Variants in TAF4 observed in about 807,000 individuals in gnomAD.
TAF4 encodes the protein TATA-box binding protein associated factor 4, also known as transcription initiation factor TFIID subunit 4.
TAF4 carries 9 observed loss-of-function variants against 90.3 expected under a neutral mutation model. The ratio of observed to expected loss-of-function variants is 0.10; its 90% confidence interval spans 0.06 to 0.17. TAF4 has a LOEUF of 0.17. TAF4 is among the 10% of genes least tolerant of loss of function. TAF4 has a pLI of 1.00. For missense variants in TAF4, 1,351 were observed against 1,370.7 expected, an observed-to-expected ratio of 0.99 and a Z score of 0.23; for synonymous variants, 818 against 638.9, an observed-to-expected ratio of 1.28 and a Z score of -4.23.
chr20:62,027,685 A>G (rs768898619), intron 1 of TAF4, among the ~76,000 whole-genome samples: 9 of 152,102 alleles, frequency 5.9e-5, no homozygotes, highest in Non-Finnish European at 4.4e-5. Context: ...CAAATAATTA[A>G]TTTTCTGCAT....
At chr20:62,042,072 G>A (rs2055966732) in intron 1 of TAF4, among the ~76,000 whole-genome samples, 1 of 152,168 alleles carries the variant, frequency 6.6e-6, no homozygotes, top group Non-Finnish European at 1.5e-5. Flanking sequence ...AATGGGAACA[G>A]GCATTCCTGT....
chr20:62,028,167 G>T (rs2055884693), intron 1 of TAF4, among the ~76,000 whole-genome samples: 2 of 152,188 alleles, frequency 1.3e-5, no homozygotes, highest in Non-Finnish European at 2.9e-5. Context: ...AGGTGCTAAG[G>T]GGGGCCGGTC....
intron 1 of TAF4, among the ~76,000 whole-genome samples, chr20:62,034,203 T>A (rs2055919772): frequency 6.6e-6 from 1 of 152,216 alleles, no homozygotes; most frequent in African/African-American, 2.4e-5. Flanking sequence ...ATAAATTCTC[T>A]AGGTGCGACC....
chr20:62,042,439 G>A (rs1335395991), intron 1 of TAF4, among the ~76,000 whole-genome samples: 2 of 152,234 alleles, frequency 1.3e-5, no homozygotes, highest in East Asian at 3.8e-4. Flanking sequence ...GGTACCGAGA[G>A]GGCAGGGGGA....
intron 14 of TAF4, among the ~76,000 whole-genome samples, chr20:61,991,617 A>C (rs1329264155): frequency 6.6e-6 from 1 of 152,108 alleles, no homozygotes; most frequent in African/African-American, 2.4e-5. Flanking sequence ...AAACAAAAAA[A>C]AAGAGAGAGA....
intron 1 of TAF4, among the ~76,000 whole-genome samples, chr20:62,062,808 G>C (rs530778161): frequency 6.6e-6 from 1 of 152,322 alleles, no homozygotes; most frequent in Admixed American, 6.5e-5. Context: ...TACCTCTGCA[G>C]TGGCTCAGAG....
chr20:61,979,504 C>A (rs6061937), intron 14 of TAF4, among the ~76,000 whole-genome samples: 147 of 132,708 alleles, frequency 1.1e-3, no homozygotes, highest in African/African-American at 4.2e-3. Context: ...GTGCAGGCGC[C>A]ATGGCCACTC....
chr20:62,039,161 G>A lies in TAF4; in HGVS notation c.1361-24454C>T, dbSNP rs531609748. Among the ~76,000 whole-genome samples, 128 of 152,250 alleles carry A rather than the reference G, an allele frequency of 8.4e-4. 1 individual carries two copies. The highest frequency in any genetic ancestry group is 6.8e-3 in the Middle Eastern group (2 of 294). On this transcript the variant is annotated intron_variant, in intron 1 of 14. Coordinates refer to ENST00000252996, the MANE Select transcript of TAF4 (RefSeq NM_003185.4). Reference sequence around the variant, plus strand: ...GCAAACGACCAGAACAGCCCTCAACGTTTTCGAAAAAGCAGCACTGGAGGA... The same window carrying A: ...GCAAACGACCAGAACAGCCCTCAACATTTTCGAAAAAGCAGCACTGGAGGA...
intron 1 of TAF4, among the ~76,000 whole-genome samples, chr20:62,044,479 T>C (rs895656450): frequency 7.9e-5 from 12 of 152,238 alleles, no homozygotes; most frequent in Non-Finnish European, 1.8e-4. Flanking sequence ...TGTATCAAAT[T>C]GGTAACATAA....
At chr20:62,057,666 G>A (rs1184394289) in intron 1 of TAF4, among the ~76,000 whole-genome samples, 1 of 18,488 alleles carries the variant, frequency 5.4e-5, no homozygotes, top group Non-Finnish European at 1.1e-4. Flanking sequence ...ATGGGGCTCG[G>A]GGGGCCAACC....
At chr20:62,024,714 C>T (rs1366839366) in intron 1 of TAF4, among the ~76,000 whole-genome samples, 2 of 151,950 alleles carry the variant, frequency 1.3e-5, no homozygotes, top group Non-Finnish European at 2.9e-5. Context: ...ACTAAAAATA[C>T]AAAAAATTAG....
At position 62,000,030 on chromosome 20, in the gene TAF4, C is replaced by A. The variant is rs376965491; in HGVS notation, c.2787+94G>T. 3.9e-6 allele frequency: 6 copies of A among 1,546,964 alleles called. No homozygotes were observed. The East Asian group carries it at 1.1e-4, about 29-fold the overall frequency. ...GAACATGGAGGCACTTGGGACCCAC[C>A]GCCCTCTGCCTCGGTGTGGGGAGGA... On this transcript the variant is annotated intron_variant, in intron 11 of 14. Transcript: ENST00000252996.
At chr20:62,002,891 A>G (rs2055715906) in intron 9 of TAF4, among the ~76,000 whole-genome samples, 9 of 152,244 alleles carry the variant, frequency 5.9e-5, no homozygotes, top group Admixed American at 5.9e-4. Context: ...TGTTATACTA[A>G]AAAATGAATT....
chr20:62,053,111 C>G (rs1178261260), intron 1 of TAF4, among the ~76,000 whole-genome samples: 1 of 152,184 alleles, frequency 6.6e-6, no homozygotes, highest in African/African-American at 2.4e-5. Flanking sequence ...CCAAGCCCAG[C>G]CTTCGGGCCC....
intron 1 of TAF4, among the ~76,000 whole-genome samples, chr20:62,046,673 T>G (rs1440405346): frequency 1.3e-5 from 2 of 152,208 alleles, no homozygotes; most frequent in Non-Finnish European, 2.9e-5. Flanking sequence ...ACTTAACTTT[T>G]TACGCTTCTC....
intron 2 of TAF4, among the ~76,000 whole-genome samples, 182 bp downstream of exon 2, chr20:62,014,365 G>C (rs912735164): frequency 6.6e-6 from 1 of 152,174 alleles, no homozygotes; most frequent in African/African-American, 2.4e-5. Context: ...CCGAGAGGAG[G>C]ACAGGAGAGC....
chr20:61,982,586 C>T (rs866522831), intron 14 of TAF4, among the ~76,000 whole-genome samples: 1,925 of 118,058 alleles, frequency 0.016, 34 homozygotes, highest in African/African-American at 0.061. Flanking sequence ...CAAACCCACA[C>T]CCCACCCGAG....
intron 1 of TAF4, among the ~76,000 whole-genome samples, chr20:62,027,974 A>G (rs1275081352): frequency 2.0e-5 from 3 of 152,184 alleles, no homozygotes; most frequent in Non-Finnish European, 4.4e-5. Flanking sequence ...CCAGGCCAGG[A>G]GTTGTATCAT....
intron 1 of TAF4, among the ~76,000 whole-genome samples, chr20:62,049,818 C>A (rs142230288): frequency 3.3e-5 from 5 of 152,254 alleles, no homozygotes; most frequent in African/African-American, 1.2e-4. Context: ...CATAGAAATG[C>A]GAGCCTCAGT....
Sources: allele counts gnomAD v4.1 joint callset (sites outside exome capture counted in the v4.1 genomes callset), GRCh38; gene constraint gnomAD v4.1.1; transcripts MANE v1.5; gene names NCBI Gene and HGNC (gene_info 2026-07-23, HGNC 2026-07-21).